The following AGBL1 variants were observed in gnomAD, a reference collection of about 807,000 sequenced individuals.
AGBL1 encodes the protein cytosolic carboxypeptidase 4.
A neutral mutation model predicts 118.9 loss-of-function variants in AGBL1; 130 were observed. The ratio of observed to expected loss-of-function variants is 1.09; its 90% confidence interval spans 0.95 to 1.26. The LOEUF (loss-of-function observed/expected upper bound fraction) is 1.26, where lower values mean the gene tolerates loss of function less well. Among genes scored for constraint, AGBL1 ranks in the 50% most tolerant of loss-of-function variants. The probability of loss-of-function intolerance (pLI) is 0.00; values close to 1 mark genes in which losing one functional copy is unlikely to be tolerated. For missense variants in AGBL1, 1,584 were observed against 1,298.1 expected, an observed-to-expected ratio of 1.22 and a Z score of -3.38; for synonymous variants, 555 against 478.9, an observed-to-expected ratio of 1.16 and a Z score of -2.08.
chr15:86,750,065 G>C lies in AGBL1; in HGVS notation c.3158+75629G>C, dbSNP rs189414280. 1.8e-4 allele frequency among the ~76,000 whole-genome samples: 28 copies of C among 152,146 alleles called. No homozygotes were observed. The East Asian group carries it at 5.0e-3, about 27-fold the overall frequency. ...GGATTCCCTCTTTTTCTATTAATTG[G>C]AATAATTTCAGAAGGAATGGTACCA... On this transcript the variant is annotated intron_variant, in intron 22 of 22. Transcript: ENST00000614907.
intron 17 of AGBL1, among the ~76,000 whole-genome samples, chr15:86,298,245 TAATATATATATATATA>T (rs2079678584): frequency 2.5e-5 from 1 of 39,614 alleles, no homozygotes; most frequent in African/African-American, 1.0e-4. Flanking sequence ...TGTCTGTGTA[TAATATATATATATATA>T]TATATATATA....
At chr15:86,259,697 T>G (rs1034455955) in intron 9 of AGBL1, among the ~76,000 whole-genome samples, 1 of 152,240 alleles carries the variant, frequency 6.6e-6, no homozygotes, top group South Asian at 2.1e-4. Context: ...ATTGGATCTT[T>G]GCTGTGGCTT....
intron 5 of AGBL1, among the ~76,000 whole-genome samples, chr15:86,200,269 G>A (rs2077881898): frequency 6.6e-6 from 1 of 152,146 alleles, no homozygotes; most frequent in Non-Finnish European, 1.5e-5. Flanking sequence ...AAAAGAACCA[G>A]TGTCATTAAA....
intron 3 of AGBL1, among the ~76,000 whole-genome samples, chr15:86,152,602 C>T (rs188785120): frequency 1.4e-3 from 209 of 152,044 alleles, no homozygotes; most frequent in Non-Finnish European, 2.5e-3. Flanking sequence ...GACATAGGCA[C>T]GGGCAAGGAC....
At chr15:86,200,679 C>T (rs1315841263) in intron 5 of AGBL1, among the ~76,000 whole-genome samples, 2 of 150,888 alleles carry the variant, frequency 1.3e-5, no homozygotes, top group African/African-American at 2.4e-5. Context: ...TGCAATGGCG[C>T]GATCTCGGCT....
chr15:86,374,683 C>T (rs1300525154), intron 17 of AGBL1, among the ~76,000 whole-genome samples: 1 of 152,212 alleles, frequency 6.6e-6, no homozygotes, highest in Non-Finnish European at 1.5e-5. Flanking sequence ...GAGTCCTTGA[C>T]TCTGCTTTTA....
chr15:86,276,298 T>C (rs1382543819), intron 15 of AGBL1, among the ~76,000 whole-genome samples: 2 of 152,208 alleles, frequency 1.3e-5, no homozygotes, highest in Non-Finnish European at 2.9e-5. Context: ...GATGATATAA[T>C]AAAAAAATTT....
chr15:86,261,193 C>G (rs1231387361), intron 9 of AGBL1, among the ~76,000 whole-genome samples: 2 of 152,180 alleles, frequency 1.3e-5, no homozygotes, highest in African/African-American at 2.4e-5. Context: ...GAATGACTCT[C>G]CTCCCTTCAG....
intron 18 of AGBL1, among the ~76,000 whole-genome samples, chr15:86,459,693 AACAG>A (rs2082306158): frequency 6.6e-6 from 1 of 152,088 alleles, no homozygotes; most frequent in Admixed American, 6.6e-5. Flanking sequence ...ACATCTCAAC[AACAG>A]AGGCTCAGAA....
At chr15:86,385,316 C>T (rs561982207) in intron 17 of AGBL1, among the ~76,000 whole-genome samples, 118 of 152,198 alleles carry the variant, frequency 7.8e-4, no homozygotes, top group Non-Finnish European at 1.4e-3. Flanking sequence ...ATTACTCGTG[C>T]GCCTTGTATT....
chr15:86,859,175 T>G (rs10520643), intron 22 of AGBL1, among the ~76,000 whole-genome samples: 22,729 of 152,170 alleles, frequency 0.15, 2,763 homozygotes, highest in African/African-American at 0.32. Context: ...GGAACTAATA[T>G]ATGAGTCTAG....
intron 22 of AGBL1, among the ~76,000 whole-genome samples, chr15:86,791,751 T>TA (rs1596484565): frequency 4.0e-5 from 6 of 149,410 alleles, no homozygotes; most frequent in East Asian, 2.0e-4. Context: ...TATATATATA[T>TA]TTTGAGACAG....
intron 23 of AGBL1, among the ~76,000 whole-genome samples, chr15:86,942,012 T>A (rs1464107032): frequency 6.6e-6 from 1 of 152,188 alleles, no homozygotes; most frequent in Non-Finnish European, 1.5e-5. Flanking sequence ...AGCACAGGCA[T>A]CCAACTCGAA....
intron 22 of AGBL1, among the ~76,000 whole-genome samples, chr15:86,746,597 A>G (rs1428688570): frequency 1.3e-5 from 2 of 152,088 alleles, no homozygotes; most frequent in Non-Finnish European, 2.9e-5. Flanking sequence ...GATTTACATT[A>G]TATCCCCAGT....
rs543836000 is a variant in AGBL1, at chr15:86,600,846, AT to A, written c.2994+46313del. Among the ~76,000 whole-genome samples, 19 of 152,298 alleles carry A rather than the reference AT, an allele frequency of 1.2e-4. No individual in the cohort carries two copies. The East Asian group carries it at 3.5e-3, about 28-fold the overall frequency. On this transcript the variant is annotated intron_variant, in intron 21 of 22. Transcript: ENST00000614907. The stretch of plus-strand genomic sequence containing the variant: ...TCTTTCAGTGGCACAGTTCCAAAGC[AT>A]TTTAAATCTTAAACATTCTAAACAC...
intron 18 of AGBL1, among the ~76,000 whole-genome samples, chr15:86,413,830 C>G (rs2081654428): frequency 6.6e-6 from 1 of 151,896 alleles, no homozygotes; most frequent in African/African-American, 2.4e-5. Context: ...CGTTGTCTGT[C>G]CACTCTGTTG....
At chr15:86,359,531 T>C (rs944423922) in intron 17 of AGBL1, among the ~76,000 whole-genome samples, 1 of 151,674 alleles carries the variant, frequency 6.6e-6, no homozygotes, top group Non-Finnish European at 1.5e-5. Context: ...TCACAGTCTT[T>C]TGTGTTCCAT....
intron 22 of AGBL1, among the ~76,000 whole-genome samples, chr15:86,892,765 A>G (rs2080069400): frequency 6.6e-6 from 1 of 152,124 alleles, no homozygotes; most frequent in Non-Finnish European, 1.5e-5. Context: ...AAAAAACCGG[A>G]GAGTAATAAA....
intron 17 of AGBL1, among the ~76,000 whole-genome samples, chr15:86,321,654 G>A (rs796577846): frequency 3.3e-5 from 5 of 151,890 alleles, no homozygotes; most frequent in East Asian, 1.9e-4. Context: ...GCGGATGCCT[G>A]TAATCCCAGA....
Sources: allele counts gnomAD v4.1 joint callset (sites outside exome capture counted in the v4.1 genomes callset), GRCh38; gene constraint gnomAD v4.1.1; transcripts MANE v1.5; gene names NCBI Gene and HGNC (gene_info 2026-07-23, HGNC 2026-07-21).